AHRR: variants seen among roughly 807,000 people sequenced by gnomAD.
AHRR encodes ahR repressor.
Under a neutral mutation model 44.0 loss-of-function variants are expected in AHRR, and 28 were observed. The observed-to-expected ratio is 0.64, with a 90% CI of 0.47 to 0.87. AHRR has a LOEUF of 0.87. Ranked by LOEUF, AHRR falls within the 40% of genes least tolerant of loss-of-function variation. The pLI is 0.00. For synonymous variants in AHRR, 434 were observed against 407.0 expected (o/e 1.07, Z -0.80); for missense variants, 990 against 953.9 (o/e 1.04, Z -0.50).
At chr5:401,924 G>A (rs1285875500) in intron 4 of AHRR, among the ~76,000 whole-genome samples, 8 of 152,148 alleles carry the variant, frequency 5.3e-5, no homozygotes, top group African/African-American at 1.4e-4. Context: ...TAAAAAGAGC[G>A]GGGCAGCAAA....
At chr5:418,226 G>C (rs927211991) in intron 5 of AHRR, among the ~76,000 whole-genome samples, 2 of 152,210 alleles carry the variant, frequency 1.3e-5, no homozygotes, top group African/African-American at 4.8e-5. Flanking sequence ...TTGACGAAAG[G>C]AGGGTTTGTT....
intron 2 of AHRR, among the ~76,000 whole-genome samples, chr5:345,425 T>G (rs538127462): frequency 0.025 from 2,981 of 118,912 alleles, 104 homozygotes; most frequent in Non-Finnish European, 0.036. Flanking sequence ...TGTGTGTGTG[T>G]GGGTGTGCGT....
At chr5:413,157 C>T (rs1056673404) in intron 4 of AHRR, among the ~76,000 whole-genome samples, 187 bp from the exon 5 acceptor site, 9 of 152,128 alleles carry the variant, frequency 5.9e-5, no homozygotes, top group Non-Finnish European at 7.3e-5. Flanking sequence ...GCTGCCTTCT[C>T]ATGTTGCCTG....
rs1736900230 is a variant in AHRR, at chr5:434,469, G to C, written c.1729G>C (p.Asp577His). The C allele has an allele frequency of 6.2e-7, 1 of 1,613,346 alleles. No homozygotes were observed. The highest frequency in any genetic ancestry group is 1.7e-5 in the Admixed American group (1 of 59,998). Reference protein sequence around the residue: ...PTRMHLKTEPDSRQQVYISHL... With the variant: ...PTRMHLKTEPHSRQQVYISHL... ...CAGGATGCACCTGAAAACAGAGCCAGACTCTCGGCAACAGGTGTACATCTC... is the reference window on the plus strand; with the variant it reads ...CAGGATGCACCTGAAAACAGAGCCACACTCTCGGCAACAGGTGTACATCTC... Residue 577 changes from aspartate (D) to histidine (H), a missense_variant, in exon 11 of 11, where the codon GAC becomes CAC. Transcript: ENST00000684583.
intron 3 of AHRR, among the ~76,000 whole-genome samples, chr5:371,341 G>A (rs1422852987): frequency 2.6e-5 from 4 of 152,186 alleles, no homozygotes; most frequent in African/African-American, 9.7e-5. Flanking sequence ...TGTGACATCG[G>A]TCAGCACACT....
intron 10 of AHRR, among the ~76,000 whole-genome samples, chr5:433,322 C>T (rs1249487968): frequency 6.6e-6 from 1 of 152,158 alleles, no homozygotes; most frequent in African/African-American, 2.4e-5. Context: ...TGCCTGCCAC[C>T]CAGGTGGGCC....
In AHRR at chr5:383,974, A is replaced by G. The variant is rs1474197970; in HGVS notation, c.351+7258A>G. 1.3e-5 allele frequency among the ~76,000 whole-genome samples: 2 copies of G among 152,054 alleles called. No individual in the cohort carries two copies. Among genetic ancestry groups the G allele is most frequent in the Non-Finnish European group, 2.9e-5 (2 of 68,016 alleles). On this transcript the variant is annotated intron_variant, in intron 4 of 10. Transcript: ENST00000684583. This position sits in a 1 kb window ranked among gnomAD's most constrained non-coding sequence, Gnocchi z 4.0. The stretch of plus-strand genomic sequence containing the variant: ...GTGTGTGTTTTGTTGGCAGTATGTA[A>G]GTTGGGCCTTGATTTTTTTTCAATC...
intron 3 of AHRR, among the ~76,000 whole-genome samples, chr5:359,327 G>A (rs1228797684): frequency 2.9e-4 from 17 of 59,460 alleles, no homozygotes; most frequent in East Asian, 1.1e-3. Flanking sequence ...AAGAGCGCCC[G>A]CGAGGGGAGG....
chr5:375,322 G>A (rs1441731120), intron 3 of AHRR, among the ~76,000 whole-genome samples: 1 of 152,222 alleles, frequency 6.6e-6, no homozygotes, highest in Admixed American at 6.5e-5. Context: ...CCTCAAACTT[G>A]ATTTTCTGTC....
intron 5 of AHRR, among the ~76,000 whole-genome samples, chr5:414,752 A>C (rs528314792): frequency 6.6e-6 from 1 of 152,270 alleles, no homozygotes; most frequent in Non-Finnish European, 1.5e-5. Context: ...TATGTTTGAG[A>C]AAGATCAAAA....
chr5:327,890 C>T (rs747213697), intron 1 of AHRR, among the ~76,000 whole-genome samples: 1 of 152,108 alleles, frequency 6.6e-6, no homozygotes, highest in Non-Finnish European at 1.5e-5. Context: ...CCCATTAACT[C>T]GTCATTTAGC....
At chr5:380,485 GTT>G (rs1733935699) in intron 4 of AHRR, among the ~76,000 whole-genome samples, 1 of 151,930 alleles carries the variant, frequency 6.6e-6, no homozygotes, top group South Asian at 2.1e-4. Flanking sequence ...CTCTATTTAG[GTT>G]TTCTTTAATT....
intron 3 of AHRR, among the ~76,000 whole-genome samples, chr5:376,184 C>T (rs1390874898): frequency 1.3e-5 from 2 of 151,822 alleles, no homozygotes; most frequent in South Asian, 2.1e-4. Context: ...CCAACAGTGC[C>T]GTGGGTCTCA....
chr5:399,410 C>T (rs149221546), intron 4 of AHRR, among the ~76,000 whole-genome samples: 276 of 152,318 alleles, frequency 1.8e-3, no homozygotes, highest in Non-Finnish European at 2.4e-3. Context: ...GAAAGCGGGT[C>T]CTGGTTTTAA....
chr5:374,188 C>A (rs1743695551), intron 3 of AHRR, among the ~76,000 whole-genome samples: 1 of 152,108 alleles, frequency 6.6e-6, no homozygotes, highest in African/African-American at 2.4e-5. Context: ...CCGCGGACCT[C>A]GGCGGGGAGC....
At position 375,916 on chromosome 5, in the gene AHRR, A is replaced by G. The variant is rs1013258790; in HGVS notation, c.245-694A>G. Among the ~76,000 whole-genome samples, 17 of 152,284 alleles carry G rather than the reference A, an allele frequency of 1.1e-4. No homozygotes were observed. The South Asian group carries it at 2.1e-3, about 19-fold the overall frequency. ...TTCTGCACCCAAAAATGGAGAATGC[A>G]CCATCCTCAGGAGTGGGAGTGTCCT... On this transcript the variant is annotated intron_variant, in intron 3 of 10. Coordinates refer to ENST00000684583, the MANE Select transcript of AHRR (RefSeq NM_001377236.1).
At chr5:401,315 C>T (rs1735004676) in intron 4 of AHRR, among the ~76,000 whole-genome samples, 1 of 152,170 alleles carries the variant, frequency 6.6e-6, no homozygotes. Context: ...AGCTGCTGGC[C>T]CCTAAGATGG....
intron 10 of AHRR, among the ~76,000 whole-genome samples, chr5:433,522 G>A (rs944774468): frequency 6.6e-6 from 1 of 152,196 alleles, no homozygotes; most frequent in South Asian, 2.1e-4. Context: ...CATTTGCACC[G>A]CCCTTCCCCA....
At chr5:351,841 G>A (rs747678935) in intron 2 of AHRR, among the ~76,000 whole-genome samples, 3 of 152,234 alleles carry the variant, frequency 2.0e-5, no homozygotes, top group Non-Finnish European at 2.9e-5. Flanking sequence ...AGTTTGTGCC[G>A]CAGAGTTCCT....
Sources: gnomAD v4.1 joint callset for allele counts (sites outside exome capture counted in the v4.1 genomes callset) on GRCh38, gnomAD v4.1.1 for gene constraint, Gnocchi (gnomAD v3.1) non-coding constraint, MANE v1.5 for transcripts, NCBI Gene and HGNC (gene_info 2026-07-23, HGNC 2026-07-21) for gene names.